The following AP1G1 variants were observed in gnomAD, a reference collection of about 807,000 sequenced individuals.
AP1G1 encodes the protein adaptor related protein complex 1 subunit gamma 1, also known as AP-1 complex subunit gamma-1.
A neutral mutation model predicts 108.3 loss-of-function variants in AP1G1; 7 were observed. The ratio of observed to expected loss-of-function variants is 0.06; its 90% CI spans 0.04 to 0.12. The LOEUF (loss-of-function observed/expected upper bound fraction) is 0.12. AP1G1 is among the 10% of genes least tolerant of loss of function. The pLI is 1.00. For missense variants in AP1G1, 756 were observed against 1,010.7 expected, an observed-to-expected ratio of 0.75 and a Z score of 3.42; for synonymous variants, 379 against 353.5, an observed-to-expected ratio of 1.07 and a Z score of -0.81.
At chr16:71,755,706 C>T (rs2030748021) in intron 12 of AP1G1, among the ~76,000 whole-genome samples, 1 of 151,846 alleles carries the variant, frequency 6.6e-6, no homozygotes, top group South Asian at 2.1e-4. Context: ...AGTGCAGTGG[C>T]ATAACCTTGG....
chr16:71,744,492 C>T (rs1340301275), intron 19 of AP1G1, among the ~76,000 whole-genome samples: 1 of 151,294 alleles, frequency 6.6e-6, no homozygotes, highest in East Asian at 1.9e-4. Flanking sequence ...TGGGAAGGAA[C>T]CAAGAAGAAG....
At chr16:71,766,373 G>C (rs891023988) in intron 6 of AP1G1, 1 of 436,674 alleles carries the variant, frequency 2.3e-6, no homozygotes, top group East Asian at 7.3e-5. Flanking sequence ...TATCCATTAA[G>C]AGTCCTAACA....
chr16:71,783,309 T>C (rs73582282), intron 2 of AP1G1, among the ~76,000 whole-genome samples: 5,657 of 152,198 alleles, frequency 0.037, 348 homozygotes, highest in African/African-American at 0.13. Flanking sequence ...AATAGTAGTA[T>C]TGACTACATG....
intron 10 of AP1G1, among the ~76,000 whole-genome samples, chr16:71,760,476 C>T (rs1227114728): frequency 2.0e-5 from 3 of 148,018 alleles, no homozygotes; most frequent in Admixed American, 6.9e-5. Context: ...ACTCGGGAGG[C>T]GGAGGTTGCA....
chr16:71,755,969 C>T (rs1420245743), intron 12 of AP1G1, 50 bp downstream of exon 12: 3 of 1,575,280 alleles, frequency 1.9e-6, no homozygotes, highest in Admixed American at 1.8e-5. Flanking sequence ...AAAGACACTT[C>T]CAAAAGTTCC....
chr16:71,778,107 A>G (rs2031860468), intron 2 of AP1G1, among the ~76,000 whole-genome samples: 1 of 152,240 alleles, frequency 6.6e-6, no homozygotes, highest in South Asian at 2.1e-4. Context: ...AAAACAAAAC[A>G]AATAACAACA....
At position 71,748,405 on chromosome 16, in the gene AP1G1, G is replaced by C. The variant is rs773052318; in HGVS notation, c.1498-27C>G. ...TGAGGAGGAGGAGGAAAAAGAAGAC[G>C]ATGAAGAATGAGTAGCATGATTAAG... On this transcript the variant is annotated intron_variant, in intron 15 of 22. Coordinates refer to ENST00000299980, the MANE Select transcript of AP1G1 (RefSeq NM_001128.6). 4 of 1,604,102 alleles carry C rather than the reference G, an allele frequency of 2.5e-6. No individual in the cohort carries two copies. The Admixed American group carries it at 5.3e-5, about 21-fold the overall frequency.
intron 16 of AP1G1, among the ~76,000 whole-genome samples, chr16:71,747,848 T>A (rs1442461393): frequency 6.6e-6 from 1 of 152,074 alleles, no homozygotes; most frequent in Non-Finnish European, 1.5e-5. Flanking sequence ...CCAGGCACGA[T>A]GGTGTGCACT....
At chr16:71,779,359 GGA>G (rs2031916090) in intron 2 of AP1G1, among the ~76,000 whole-genome samples, 1 of 151,622 alleles carries the variant, frequency 6.6e-6, no homozygotes. Flanking sequence ...GGAGTAGGGG[GGA>G]GAGTCTCACT....
intron 1 of AP1G1, among the ~76,000 whole-genome samples, chr16:71,798,373 G>A (rs982123637): frequency 2.0e-5 from 3 of 151,864 alleles, no homozygotes; most frequent in Admixed American, 6.6e-5. Context: ...TAATTTTTTT[G>A]TATTTTTAGT....
At chr16:71,748,829 A>C (rs2030323948) in intron 15 of AP1G1, among the ~76,000 whole-genome samples, 1 of 152,156 alleles carries the variant, frequency 6.6e-6, no homozygotes. Flanking sequence ...GTCCACTAGG[A>C]CAGAGACTTG....
Position 71,748,202 on chromosome 16 carries a change from T to A in AP1G1, c.1625+49A>T, listed in dbSNP as rs184359436. The A allele has an allele frequency of 9.5e-5, 149 of 1,575,724 alleles. 1 individual carries two copies. Among genetic ancestry groups the A allele is most frequent in the Middle Eastern group, 1.7e-4 (1 of 5,968 alleles). On this transcript the variant is annotated intron_variant, in intron 16 of 22. Coordinates refer to ENST00000299980, the MANE Select transcript of AP1G1 (RefSeq NM_001128.6). The stretch of plus-strand genomic sequence containing the variant: ...ACAAGTTTTTTGGGATTTTTTTTGT[T>A]TTTTAATTACAAAACAACCTGTTCA...
chr16:71,779,319 A>T (rs1012076296), intron 2 of AP1G1, among the ~76,000 whole-genome samples: 1 of 150,820 alleles, frequency 6.6e-6, no homozygotes, highest in African/African-American at 2.4e-5. Flanking sequence ...TAATTTTTAC[A>T]AAGTTTTTCT....
intron 1 of AP1G1, chr16:71,806,677 C>A (rs1305343861): frequency 7.8e-7 from 1 of 1,284,966 alleles, no homozygotes; most frequent in Non-Finnish European, 1.0e-6. Context: ...ACTGCGAGGG[C>A]ATACTTACTA....
At chr16:71,733,203 A>C in intron 22 of AP1G1, 44 bp from the exon 23 acceptor site, 1 of 1,442,214 alleles carries the variant, frequency 6.9e-7, no homozygotes, top group Non-Finnish European at 9.7e-7. Context: ...CTGAAATGAA[A>C]TCTCCAGAAT....
chr16:71,791,038 T>C (rs868001967), intron 1 of AP1G1, among the ~76,000 whole-genome samples: 14 of 152,100 alleles, frequency 9.2e-5, no homozygotes, highest in South Asian at 2.1e-4. Flanking sequence ...CTGGCCAACA[T>C]TGCAAAACCC....
At chr16:71,771,784 GACTA>G (rs772077984) in intron 4 of AP1G1, among the ~76,000 whole-genome samples, 18 of 152,234 alleles carry the variant, frequency 1.2e-4, no homozygotes, top group Admixed American at 3.9e-4. Context: ...TGAGTAAGAT[GACTA>G]ACAGCCTATA....
chr16:71,743,552 G>A (rs1191699747), intron 19 of AP1G1: 1 of 150,062 alleles, frequency 6.7e-6, no homozygotes, highest in Non-Finnish European at 1.5e-5. Context: ...GAAGTGAGCC[G>A]AGATAATCCC....
intron 1 of AP1G1, among the ~76,000 whole-genome samples, chr16:71,801,960 G>C (rs1390429969): frequency 6.6e-6 from 1 of 151,102 alleles, no homozygotes; most frequent in Non-Finnish European, 1.5e-5. Flanking sequence ...AAAATGCTCT[G>C]CAAGTGTTTC....
Sources: allele counts gnomAD v4.1 joint callset (sites outside exome capture counted in the v4.1 genomes callset), GRCh38; gene constraint gnomAD v4.1.1; transcripts MANE v1.5; gene names NCBI Gene and HGNC (gene_info 2026-07-23, HGNC 2026-07-21).